Variants in ASTN2 observed in about 807,000 individuals in gnomAD.
The protein encoded by ASTN2 is astrotactin 2, also known as astrotactin-2.
ASTN2 carries 54 observed loss-of-function variants against 139.8 expected under a neutral mutation model. The ratio of observed to expected loss-of-function variants is 0.39; its 90% CI spans 0.31 to 0.48. The LOEUF (loss-of-function observed/expected upper bound fraction) is 0.48, where lower values mean the gene tolerates loss of function less well. Among genes scored for constraint, ASTN2 ranks in the 20% least tolerant of loss-of-function variants. ASTN2 has a pLI of 0.95. For synonymous variants in ASTN2, 756 were observed against 719.5 expected, an observed-to-expected ratio of 1.05 and a Z score of -0.81; for missense variants, 1,565 against 1,725.1, an observed-to-expected ratio of 0.91 and a Z score of 1.64.
chr9:116,732,201 A>T (rs913182315), intron 14 of ASTN2, among the ~76,000 whole-genome samples: 3 of 152,170 alleles, frequency 2.0e-5, no homozygotes, highest in African/African-American at 7.2e-5. Context: ...TGACATGACT[A>T]TAGACTAGCC....
chr9:117,009,957 A>G (rs988102265), intron 6 of ASTN2, among the ~76,000 whole-genome samples: 1 of 152,202 alleles, frequency 6.6e-6, no homozygotes, highest in Non-Finnish European at 1.5e-5. Flanking sequence ...TAGTAAGGGT[A>G]TGATTGGCAA....
Position 116,534,948 on chromosome 9 carries a change from G to A in ASTN2, c.3356-47448C>T, listed in dbSNP as rs1285109170. On this transcript the variant is annotated intron_variant, in intron 19 of 22. Coordinates refer to ENST00000313400, the MANE Select transcript of ASTN2 (RefSeq NM_001365068.1). ...TTTCTGTCTCATTGATCTGTCTAAT[G>A]TTGACAGTGGGGTGTTAAAGTCTCC... 2.6e-5 allele frequency among the ~76,000 whole-genome samples: 4 copies of A among 152,166 alleles called. No homozygotes were observed. In the East Asian group the frequency reaches 7.7e-4, roughly 29 times the overall value.
chr9:117,366,470 T>C (rs1345802359), intron 1 of ASTN2, among the ~76,000 whole-genome samples: 1 of 152,114 alleles, frequency 6.6e-6, no homozygotes, highest in African/African-American at 2.4e-5. Flanking sequence ...TCTCCAAGAT[T>C]ACCCAGCTCA....
chr9:117,399,246 G>A (rs1314533138), intron 1 of ASTN2, among the ~76,000 whole-genome samples: 1 of 152,164 alleles, frequency 6.6e-6, no homozygotes, highest in African/African-American at 2.4e-5. Context: ...TGACTGCACT[G>A]AATATACGAA....
intron 19 of ASTN2, among the ~76,000 whole-genome samples, chr9:116,509,720 A>G (rs917855848): frequency 1.3e-5 from 2 of 151,688 alleles, no homozygotes; most frequent in Non-Finnish European, 2.9e-5. Flanking sequence ...GTGAGATGGT[A>G]TCTCATTGTG....
At chr9:116,519,657 A>T (rs897723641) in intron 19 of ASTN2, among the ~76,000 whole-genome samples, 2 of 152,104 alleles carry the variant, frequency 1.3e-5, no homozygotes, top group African/African-American at 2.4e-5. Flanking sequence ...AATAACGAAT[A>T]TCAGAGCAGA....
chr9:116,467,358 C>G (rs1277309742), intron 20 of ASTN2, among the ~76,000 whole-genome samples: 1 of 152,192 alleles, frequency 6.6e-6, no homozygotes, highest in Admixed American at 6.5e-5. Context: ...CCTCCCCCTC[C>G]CGGGTTCAAG....
At chr9:117,295,086 C>T (rs1302107561) in intron 1 of ASTN2, among the ~76,000 whole-genome samples, 2 of 152,182 alleles carry the variant, frequency 1.3e-5, no homozygotes, top group Admixed American at 6.5e-5. Flanking sequence ...TTTTGAGAGG[C>T]CGAGGCAGGC....
At chr9:117,125,530 C>T (rs1456300724) in intron 4 of ASTN2, among the ~76,000 whole-genome samples, 1 of 152,136 alleles carries the variant, frequency 6.6e-6, no homozygotes, top group Non-Finnish European at 1.5e-5. Flanking sequence ...GATGCATTTT[C>T]ATTCTGTTAA....
chr9:117,160,781 A>G (rs1332885429), intron 3 of ASTN2, among the ~76,000 whole-genome samples: 3 of 152,056 alleles, frequency 2.0e-5, no homozygotes, highest in Admixed American at 6.6e-5. Flanking sequence ...ATGTAACACA[A>G]AGAATGATAC....
At chr9:117,226,242 G>A (rs1382531500) in intron 2 of ASTN2, among the ~76,000 whole-genome samples, 1 of 152,208 alleles carries the variant, frequency 6.6e-6, no homozygotes, top group East Asian at 1.9e-4. Context: ...GTGGTTAATG[G>A]TGCAGGCTCT....
intron 2 of ASTN2, among the ~76,000 whole-genome samples, chr9:117,228,364 T>C (rs1373432164): frequency 3.3e-5 from 5 of 152,116 alleles, no homozygotes. Context: ...TTTCAAAACC[T>C]ATTACAAGTC....
chr9:117,178,777 G>C (rs1830981079), intron 3 of ASTN2, among the ~76,000 whole-genome samples: 1 of 152,164 alleles, frequency 6.6e-6, no homozygotes. Flanking sequence ...TCATCTGCAG[G>C]GGAGAAGGCT....
intron 5 of ASTN2, among the ~76,000 whole-genome samples, chr9:117,095,745 T>C (rs1346906813): frequency 6.6e-6 from 1 of 152,210 alleles, no homozygotes. Flanking sequence ...TATTTTCATA[T>C]TAATATGATT....
chr9:116,952,110 G>A (rs1284677642), intron 10 of ASTN2, among the ~76,000 whole-genome samples: 1 of 152,160 alleles, frequency 6.6e-6, no homozygotes, highest in Non-Finnish European at 1.5e-5. Context: ...CTGCATTACT[G>A]TATTTGTAAC....
At chr9:116,968,636 C>T (rs1742874114) in intron 10 of ASTN2, among the ~76,000 whole-genome samples, 1 of 152,120 alleles carries the variant, frequency 6.6e-6, no homozygotes, top group African/African-American at 2.4e-5. Flanking sequence ...TGGTGGCTCA[C>T]AACTGGAATC....
chr9:116,992,866 C>T (rs2132554337), intron 7 of ASTN2, among the ~76,000 whole-genome samples: 1 of 152,276 alleles, frequency 6.6e-6, no homozygotes, highest in Admixed American at 6.5e-5. Context: ...GTGATGCACA[C>T]TAAATAATAG....
chr9:117,240,769 T>C lies in ASTN2; in HGVS notation c.631-26027A>G, dbSNP rs539170322. ...GGTTTTCCAATCCTCATTTTGTAGATGGAGTCTAAAGCCCAAAGAATTTGC... is the reference window on the plus strand; with the variant it reads ...GGTTTTCCAATCCTCATTTTGTAGACGGAGTCTAAAGCCCAAAGAATTTGC... On this transcript the variant is annotated intron_variant, in intron 2 of 22. Coordinates refer to ENST00000313400, the MANE Select transcript of ASTN2 (RefSeq NM_001365068.1). 1.1e-4 allele frequency among the ~76,000 whole-genome samples: 17 copies of C among 152,306 alleles called. No individual in the cohort carries two copies. In the South Asian group the frequency reaches 3.3e-3, roughly 30 times the overall value.
chr9:116,859,801 A>G (rs778526483), intron 11 of ASTN2, among the ~76,000 whole-genome samples: 3 of 152,270 alleles, frequency 2.0e-5, no homozygotes, highest in Non-Finnish European at 4.4e-5. Context: ...GTTGACAGCA[A>G]GCATGGTGAG....
Sources: gnomAD v4.1 joint callset for allele counts (sites outside exome capture counted in the v4.1 genomes callset) on GRCh38, gnomAD v4.1.1 for gene constraint, MANE v1.5 for transcripts, NCBI Gene and HGNC (gene_info 2026-07-23, HGNC 2026-07-21) for gene names.